STK10: variants seen among roughly 807,000 people sequenced by gnomAD.
STK10 encodes the protein serine/threonine kinase 10, also known as serine/threonine-protein kinase 10.
Under a neutral mutation model 113.8 loss-of-function variants are expected in STK10, and 78 were observed. The observed-to-expected ratio is 0.69, with a 90% CI of 0.57 to 0.83. STK10 has a LOEUF of 0.83. Among genes scored for constraint, STK10 ranks in the 40% least tolerant of loss-of-function variants. The pLI, the probability that STK10 is intolerant of heterozygous loss-of-function variation, is 0.00. For missense variants in STK10, 1,109 were observed against 1,280.1 expected (o/e 0.87, Z 2.04); for synonymous variants, 465 against 494.7 (o/e 0.94, Z 0.80).
rs373688986 is a variant in STK10 at position 172,093,970 on chromosome 5, T to A, written c.1006-10A>T. 1.0e-3 allele frequency: 1,166 copies of A among 1,145,424 alleles called. 3 individuals carry two copies. The highest frequency in any genetic ancestry group is 5.4e-3 in the African/African-American group (338 of 62,646). 71.0% of individuals were successfully genotyped at this position (1,145,424 alleles called of 1,614,324 possible). On this transcript the variant is annotated splice_polypyrimidine_tract_variant and intron_variant, in intron 8 of 18. Coordinates refer to ENST00000176763, the MANE Select transcript of STK10 (RefSeq NM_005990.4). The surrounding 1 kb of genome is among the most constrained non-coding windows in gnomAD (Gnocchi z 4.1). ...TATGGTTCTCCAGGGTCTAGAAAAA[T>A]ATATATATATATATTAAAGGCCATG...
intron 1 of STK10, among the ~76,000 whole-genome samples, chr5:172,173,133 C>T (rs1274996811): frequency 2.0e-5 from 3 of 152,152 alleles, no homozygotes; most frequent in Non-Finnish European, 2.9e-5. Flanking sequence ...TTAACAGAGG[C>T]GCCCCAGTCA....
chr5:172,110,962 G>A (rs1187553654), intron 4 of STK10, among the ~76,000 whole-genome samples: 1 of 152,156 alleles, frequency 6.6e-6, no homozygotes, highest in African/African-American at 2.4e-5. Flanking sequence ...GCTGGCTTCT[G>A]AGCCCCGGTT....
At chr5:172,177,498 G>A (rs1309947068) in intron 1 of STK10, among the ~76,000 whole-genome samples, 1 of 152,204 alleles carries the variant, frequency 6.6e-6, no homozygotes, top group Non-Finnish European at 1.5e-5. Flanking sequence ...CAACAGTAGA[G>A]GCCAGATCTG....
chr5:172,086,813 T>C (rs1238950217), intron 10 of STK10, among the ~76,000 whole-genome samples: 2 of 152,200 alleles, frequency 1.3e-5, no homozygotes, highest in African/African-American at 4.8e-5. Flanking sequence ...CGAGCACCTC[T>C]TCACCTCCTC....
At chr5:172,158,991 T>C (rs1026604271) in intron 1 of STK10, among the ~76,000 whole-genome samples, 45 of 152,210 alleles carry the variant, frequency 3.0e-4, no homozygotes, top group African/African-American at 1.1e-3. Flanking sequence ...TGAACTGATT[T>C]AATGCCACTA....
In STK10 at chr5:172,082,845, T is replaced by C; in HGVS notation, c.1809+116A>G. ...ACAAGATCGGGAAGCCCCCAGGAAT[T>C]GGGCAATTGTTGTGAATTACTCTCC... On this transcript the variant is annotated intron_variant, in intron 11 of 18. Transcript: ENST00000176763. The surrounding 1 kb of genome is among the most constrained non-coding windows in gnomAD (Gnocchi z 4.3). 1 of 1,477,676 alleles carries C rather than the reference T, an allele frequency of 6.8e-7. No homozygotes were observed. Among genetic ancestry groups the C allele is most frequent in the Non-Finnish European group, 9.1e-7 (1 of 1,100,706 alleles). 91.5% of individuals were successfully genotyped at this position (1,477,676 alleles called of 1,614,324 possible).
In STK10 at chr5:172,188,104, G is replaced by A. The variant is rs1394856423; in HGVS notation, c.-62C>T. The A allele has an allele frequency of 1.9e-6, 3 of 1,568,206 alleles. No individual in the cohort carries two copies. In the Admixed American group the frequency reaches 5.7e-5, roughly 30 times the overall value. ...TCGGGCTCGGGCTGTGGCTTCGGCG[G>A]CCGCGAGGAGAAGGAGGAGGAGTTG... On this transcript the variant is annotated 5_prime_UTR_variant, in exon 1 of 19. Transcript: ENST00000176763. This position sits in a 1 kb window ranked among gnomAD's most constrained non-coding sequence, Gnocchi z 5.6.
rs1767665651 is a variant in STK10 at position 172,053,055 on chromosome 5, C to A, written c.2653-13G>T. 1 of 1,611,256 alleles carries A rather than the reference C, an allele frequency of 6.2e-7. No individual in the cohort carries two copies. Among genetic ancestry groups the A allele is most frequent in the East Asian group, 2.2e-5 (1 of 44,870 alleles). The stretch of plus-strand genomic sequence containing the variant: ...GGCACTTTTCATTCTGGAACAGATT[C>A]CAGGCAGAACAGGTGAGAAATCAGA... On this transcript the variant is annotated splice_polypyrimidine_tract_variant and intron_variant, in intron 17 of 18. Transcript: ENST00000176763.
intron 13 of STK10, among the ~76,000 whole-genome samples, chr5:172,062,879 A>T (rs958704578): frequency 1.3e-5 from 2 of 152,250 alleles, no homozygotes; most frequent in African/African-American, 4.8e-5. Flanking sequence ...TAATAATGGT[A>T]AAGATGGTAA....
chr5:172,135,626 G>A (rs1026865283), intron 2 of STK10, among the ~76,000 whole-genome samples: 2 of 152,156 alleles, frequency 1.3e-5, no homozygotes, highest in East Asian at 1.9e-4. Flanking sequence ...GGGAGAGTCC[G>A]GCAGTTCCTC....
At chr5:172,119,413 C>T (rs1268084281) in intron 3 of STK10, among the ~76,000 whole-genome samples, 6 of 151,900 alleles carry the variant, frequency 3.9e-5, no homozygotes, top group African/African-American at 9.7e-5. Flanking sequence ...CTGATTTTTG[C>T]ATTAAAAAAA....
At chr5:172,086,915 T>C (rs958009661) in intron 10 of STK10, among the ~76,000 whole-genome samples, 2 of 152,188 alleles carry the variant, frequency 1.3e-5, no homozygotes, top group African/African-American at 2.4e-5. Context: ...GCACTGCTTC[T>C]CCATGGGGTG....
intron 2 of STK10, among the ~76,000 whole-genome samples, chr5:172,144,116 C>G (rs1281289585): frequency 6.6e-6 from 1 of 152,228 alleles, no homozygotes; most frequent in African/African-American, 2.4e-5. Flanking sequence ...ACAAATATTC[C>G]TGTTTTACAG....
intron 4 of STK10, among the ~76,000 whole-genome samples, chr5:172,115,605 T>A (rs1437633636): frequency 6.6e-6 from 1 of 152,208 alleles, no homozygotes; most frequent in Non-Finnish European, 1.5e-5. Flanking sequence ...TGGGTTTTTA[T>A]CATTTGCCAC....
At chr5:172,070,598 A>G (rs1324592970) in intron 12 of STK10, among the ~76,000 whole-genome samples, 1 of 152,104 alleles carries the variant, frequency 6.6e-6, no homozygotes, top group African/African-American at 2.4e-5. Flanking sequence ...CCATAAAAAG[A>G]AGAGCAATTT....
At chr5:172,136,696 C>A (rs911009411) in intron 2 of STK10, among the ~76,000 whole-genome samples, 5 of 152,060 alleles carry the variant, frequency 3.3e-5, no homozygotes, top group African/African-American at 7.2e-5. Flanking sequence ...AGGAATGTGC[C>A]CACCTAGGTA....
chr5:172,044,904 T>C lies in STK10; in HGVS notation c.2885A>G (p.Tyr962Cys). 7 of 1,614,164 alleles carry C rather than the reference T, an allele frequency of 4.3e-6. No individual in the cohort carries two copies. The South Asian group carries it at 5.5e-5, about 13-fold the overall frequency. The change falls in exon 19 of 19, where the codon TAC becomes TGC. Residue 962 changes from tyrosine to cysteine, a missense_variant. Around this residue, in one of 5 missense-constraint regions of STK10, gnomAD observed 885 missense variants for 991.1 expected, o/e 0.89. Coordinates refer to ENST00000176763, the MANE Select transcript of STK10 (RefSeq NM_005990.4). This position sits in a 1 kb window ranked among gnomAD's most constrained non-coding sequence, Gnocchi z 4.5. ...TPSKAAKFFP[Y>C]SSADAS ...TTGTTAAGAAGCATCCGCAGAACTG[T>C]AGGGGAAGAACTTGGCGGCCTTGCT...
chr5:172,169,914 C>CA (rs1343552930), intron 1 of STK10, among the ~76,000 whole-genome samples: 1 of 152,154 alleles, frequency 6.6e-6, no homozygotes, highest in African/African-American at 2.4e-5. Context: ...GCCAGGACAC[C>CA]AGGCCTTCGT....
In STK10 at chr5:172,131,363, G is replaced by A. The variant is rs1218331585; in HGVS notation, c.322-3942C>T. ...ATCAGCTATTCTTAAGAGTCAGTAT[G>A]AGAAGTGACCAAACCCAGGCAGTTC... is the stretch of plus-strand genomic sequence containing the variant. On this transcript the variant is annotated intron_variant, in intron 2 of 18. Coordinates refer to ENST00000176763, the MANE Select transcript of STK10 (RefSeq NM_005990.4). 2.0e-5 allele frequency among the ~76,000 whole-genome samples: 3 copies of A among 152,146 alleles called. No individual in the cohort carries two copies. The East Asian group carries it at 5.8e-4, about 29-fold the overall frequency.
Sources: gnomAD v4.1 joint callset for allele counts (sites outside exome capture counted in the v4.1 genomes callset) on GRCh38, gnomAD v4.1.1 for gene constraint, gnomAD v4.1.1 regional missense constraint, Gnocchi (gnomAD v3.1) non-coding constraint, MANE v1.5 for transcripts, NCBI Gene and HGNC (gene_info 2026-07-23, HGNC 2026-07-21) for gene names.